The following SYNE2 variants were observed in gnomAD, a reference collection of about 807,000 sequenced individuals.
The protein encoded by SYNE2 is spectrin repeat containing nuclear envelope protein 2.
In SYNE2, 431 loss-of-function variants were observed where a neutral mutation model predicts 856.3. The ratio of observed to expected loss-of-function variants is 0.50; its 90% CI spans 0.47 to 0.55. SYNE2 has a LOEUF of 0.55. SYNE2 is among the 20% of genes least tolerant of loss of function. The pLI, the probability that SYNE2 is intolerant of heterozygous loss-of-function variation, is 0.00. For synonymous variants in SYNE2, 2,923 were observed against 2,872.3 expected, an observed-to-expected ratio of 1.02 and a Z score of -0.56; for missense variants, 8,129 against 8,023.2, an observed-to-expected ratio of 1.01 and a Z score of -0.50.
intron 2 of SYNE2, among the ~76,000 whole-genome samples, chr14:63,938,948 G>GTGCATATGTGCGCT (rs2095865758): frequency 6.6e-6 from 1 of 151,786 alleles, no homozygotes; most frequent in African/African-American, 2.4e-5. Flanking sequence ...GTGTGCGTGT[G>GTGCATATGTGCGCT]TGCATGTGTG....
At chr14:63,997,250 G>C in intron 24 of SYNE2, 51 bp from the exon 25 acceptor site, 1 of 1,590,432 alleles carries the variant, frequency 6.3e-7, no homozygotes. Context: ...GCTTGTTTAG[G>C]TTTCATTTTT....
At chr14:63,992,271 C>T (rs567348148) in intron 21 of SYNE2, among the ~76,000 whole-genome samples, 18 of 151,876 alleles carry the variant, frequency 1.2e-4, no homozygotes, top group African/African-American at 4.3e-4. Flanking sequence ...CCTAGTCTCC[C>T]TCTTTGAATT....
chr14:63,837,405 A>G (rs1889894207), intron 1 of SYNE2, among the ~76,000 whole-genome samples: 1 of 152,218 alleles, frequency 6.6e-6, no homozygotes, highest in Non-Finnish European at 1.5e-5. Flanking sequence ...TCTTAATAGA[A>G]TACCAAAATT....
intron 1 of SYNE2, among the ~76,000 whole-genome samples, chr14:63,904,334 A>G (rs962663026): frequency 6.6e-6 from 1 of 152,192 alleles, no homozygotes; most frequent in African/African-American, 2.4e-5. Context: ...TTGGGTATAT[A>G]TGCAGTAATA....
chr14:64,039,032 G>A (rs1230213687), intron 45 of SYNE2, among the ~76,000 whole-genome samples: 1 of 152,140 alleles, frequency 6.6e-6, no homozygotes, highest in East Asian at 1.9e-4. Context: ...TGTGCCTTAC[G>A]AGTCACATTA....
At chr14:63,901,299 A>G (rs573673305) in intron 1 of SYNE2, among the ~76,000 whole-genome samples, 75 of 152,244 alleles carry the variant, frequency 4.9e-4, no homozygotes, top group Non-Finnish European at 9.7e-4. Flanking sequence ...ACATAGATGT[A>G]CAGGTTCTAT....
chr14:63,978,313 A>C (rs918010560), intron 13 of SYNE2, among the ~76,000 whole-genome samples: 3 of 152,090 alleles, frequency 2.0e-5, no homozygotes, highest in Non-Finnish European at 4.4e-5. Context: ...ACCTTTGTAA[A>C]TTTAGGTTAA....
chr14:64,068,861 C>CAAAAAAAAAAA (rs10546690), intron 51 of SYNE2, among the ~76,000 whole-genome samples: 1 of 76,644 alleles, frequency 1.3e-5, no homozygotes, highest in African/African-American at 4.4e-5. Flanking sequence ...GACTCCGTCT[C>CAAAAAAAAAAA]AAAAAAAAAA....
intron 94 of SYNE2, among the ~76,000 whole-genome samples, chr14:64,171,016 T>C (rs1567537646): frequency 6.6e-6 from 1 of 152,238 alleles, no homozygotes; most frequent in Non-Finnish European, 1.5e-5. Context: ...GGAAACCCCG[T>C]TCTCCATGAT....
chr14:64,136,269 G>A (rs925174636), intron 78 of SYNE2, among the ~76,000 whole-genome samples: 2 of 129,450 alleles, frequency 1.5e-5, no homozygotes, highest in Middle Eastern at 5.8e-3. Flanking sequence ...CAGCCTGGGT[G>A]ACAGAGCGAG....
At chr14:64,106,636 G>A (rs575342644) in intron 64 of SYNE2, among the ~76,000 whole-genome samples, 8 of 152,280 alleles carry the variant, frequency 5.3e-5, no homozygotes, top group Non-Finnish European at 8.8e-5. Flanking sequence ...GCGACAGAGC[G>A]AGACTCCGTC....
chr14:64,188,449 GCTA>G, intron 97 of SYNE2, 98 bp from the exon 98 acceptor site: 1 of 1,332,950 alleles, frequency 7.5e-7, no homozygotes, highest in Non-Finnish European at 1.1e-6. Context: ...AGTGCGGAGA[GCTA>G]CTGATTAAAA....
rs974676575 is a variant in SYNE2, at chr14:64,052,131, A to G, written c.8218A>G (p.Ile2740Val). ...CATAAGGAACAAGATGAAAGAGACT[A>G]TCTTATGGGCCAAGAATTTGTTGGG... ...CDIRNKMKET[I>V]LWAKNLLGEL... Residue 2740 changes from isoleucine to valine, a missense_variant, in exon 48 of 116, where the codon ATC becomes GTC. Ile to Val is a conservative substitution (Grantham distance 29, BLOSUM62 3). Around this residue, in one of 3 missense-constraint regions of SYNE2, gnomAD observed 5,410 missense variants for 5,284.8 expected, o/e 1.02. Transcript: ENST00000555002. 5.6e-6 allele frequency: 9 copies of G among 1,614,072 alleles called. No individual in the cohort carries two copies. The East Asian group carries it at 1.1e-4, about 20-fold the overall frequency.
chr14:63,773,329 AG>A (rs1257040241), intron 1 of SYNE2, among the ~76,000 whole-genome samples: 4 of 151,856 alleles, frequency 2.6e-5, no homozygotes, highest in Non-Finnish European at 4.4e-5. Context: ...GCCCCTAAGT[AG>A]CTGGTACCAC....
intron 1 of SYNE2, among the ~76,000 whole-genome samples, chr14:63,805,102 G>A (rs573809271): frequency 2.6e-5 from 4 of 152,250 alleles, no homozygotes; most frequent in African/African-American, 9.6e-5. Context: ...TGGTCTGTGT[G>A]TCTCTTTTTG....
intron 1 of SYNE2, among the ~76,000 whole-genome samples, chr14:63,900,471 C>T (rs2095322241): frequency 6.6e-6 from 1 of 152,078 alleles, no homozygotes; most frequent in African/African-American, 2.4e-5. Context: ...CAATAGTAAC[C>T]ATCAGATCTC....
intron 78 of SYNE2, among the ~76,000 whole-genome samples, chr14:64,134,596 CAT>C (rs1170952613): frequency 1.3e-5 from 2 of 152,166 alleles, no homozygotes; most frequent in Admixed American, 1.3e-4. Context: ...GGCCTCTAAA[CAT>C]ATATTTCGTT....
At chr14:64,179,005 A>C (rs1212024144) in intron 96 of SYNE2, among the ~76,000 whole-genome samples, 2 of 152,166 alleles carry the variant, frequency 1.3e-5, no homozygotes, top group Non-Finnish European at 2.9e-5. Context: ...TGAGCCCAGT[A>C]GGTCGAGGAT....
intron 79 of SYNE2, among the ~76,000 whole-genome samples, chr14:64,139,595 T>C (rs917891409): frequency 2.0e-5 from 3 of 151,886 alleles, no homozygotes; most frequent in African/African-American, 7.3e-5. Context: ...TATTTTTTAG[T>C]AGAGACAGGG....
Sources: gnomAD v4.1 joint callset for allele counts (sites outside exome capture counted in the v4.1 genomes callset) on GRCh38, gnomAD v4.1.1 for gene constraint, gnomAD v4.1.1 regional missense constraint, MANE v1.5 for transcripts, NCBI Gene and HGNC (gene_info 2026-07-23, HGNC 2026-07-21) for gene names.